Variants in REDIC1 observed in about 807,000 individuals in gnomAD.
REDIC1 encodes the protein HEI10 Interacting Protein 1.
chr12:39,713,271 TACAC>T, the REDIC1 span, among the ~76,000 whole-genome samples: 1 of 42,414 alleles, frequency 2.4e-5, no homozygotes, highest in Non-Finnish European at 5.4e-5. Context: ...TATATATGTG[TACAC>T]ACACATACGT....
the REDIC1 span, among the ~76,000 whole-genome samples, chr12:39,668,418 GTT>G: frequency 6.6e-6 from 1 of 152,182 alleles, no homozygotes; most frequent in Non-Finnish European, 1.5e-5. Flanking sequence ...GGCTTGTAGA[GTT>G]TCTGCCGAGA....
chr12:39,630,729 G>A, the REDIC1 span, among the ~76,000 whole-genome samples: 1 of 152,162 alleles, frequency 6.6e-6, no homozygotes, highest in African/African-American at 2.4e-5. Flanking sequence ...GTTCGATGGA[G>A]AAAAACAAAA....
chr12:39,696,273 G>A, the REDIC1 span, among the ~76,000 whole-genome samples: 2 of 150,578 alleles, frequency 1.3e-5, no homozygotes, highest in Non-Finnish European at 3.0e-5. Context: ...GCCGGGCGCG[G>A]TGGCTCACGC....
chr12:39,664,697 AT>A, the REDIC1 span, among the ~76,000 whole-genome samples: 2 of 152,106 alleles, frequency 1.3e-5, no homozygotes, highest in Non-Finnish European at 2.9e-5. Context: ...CACCAACAGT[AT>A]AAAAGTGTTC....
chr12:39,638,240 A>C, the REDIC1 span, among the ~76,000 whole-genome samples: 1 of 152,008 alleles, frequency 6.6e-6, no homozygotes, highest in Non-Finnish European at 1.5e-5. Flanking sequence ...ACCCAAGAAA[A>C]CAGGGACTGC....
chr12:39,720,678 T>C, the REDIC1 span: 1 of 886,382 alleles, frequency 1.1e-6, no homozygotes, highest in East Asian at 2.6e-5. Context: ...CTCTTCTGTA[T>C]TTAGAAATTT....
the REDIC1 span, among the ~76,000 whole-genome samples, chr12:39,895,974 A>ATG: frequency 7.5e-6 from 1 of 134,024 alleles, no homozygotes; most frequent in African/African-American, 2.9e-5. Flanking sequence ...ACATGTGTAT[A>ATG]TGTATACATA....
the REDIC1 span, among the ~76,000 whole-genome samples, chr12:39,879,529 GA>G: frequency 6.6e-6 from 1 of 152,208 alleles, no homozygotes; most frequent in East Asian, 1.9e-4. Context: ...AGATTATTTT[GA>G]AGCTTTAATA....
At chr12:39,709,284 A>T in the REDIC1 span, among the ~76,000 whole-genome samples, 1 of 149,902 alleles carries the variant, frequency 6.7e-6, no homozygotes, top group Non-Finnish European at 1.5e-5. Context: ...CTTTTGATGA[A>T]TCAGTAATTT....
At chr12:39,692,128 T>G in the REDIC1 span, 1 of 1,514,606 alleles carries the variant, frequency 6.6e-7, no homozygotes, top group African/African-American at 1.4e-5. Flanking sequence ...TATAACTGTA[T>G]AAGTTAATTT....
the REDIC1 span, among the ~76,000 whole-genome samples, chr12:39,634,381 A>G: frequency 1.3e-5 from 2 of 152,174 alleles, no homozygotes; most frequent in Non-Finnish European, 2.9e-5. Context: ...CTGACCTCAA[A>G]CTATACTACA....
At chr12:39,722,074 A>G in the REDIC1 span, among the ~76,000 whole-genome samples, 1 of 152,124 alleles carries the variant, frequency 6.6e-6, no homozygotes, top group Non-Finnish European at 1.5e-5. Flanking sequence ...GGTACACAGC[A>G]GAGGGCATTC....
the REDIC1 span, among the ~76,000 whole-genome samples, chr12:39,699,247 C>CA: frequency 6.6e-6 from 1 of 152,248 alleles, no homozygotes; most frequent in South Asian, 2.1e-4. Flanking sequence ...GTGTGCGCAC[C>CA]ATGCATGAGC....
chr12:39,799,157 A>G, the REDIC1 span, among the ~76,000 whole-genome samples: 1 of 145,018 alleles, frequency 6.9e-6, no homozygotes, highest in Non-Finnish European at 1.5e-5. Context: ...ATCTCAGCTC[A>G]CTGCAACCTC....
the REDIC1 span, among the ~76,000 whole-genome samples, chr12:39,745,482 G>T: frequency 3.9e-5 from 6 of 152,130 alleles, no homozygotes; most frequent in Non-Finnish European, 8.8e-5. Context: ...TAAAATAGGG[G>T]TAATAATAGT....
the REDIC1 span, among the ~76,000 whole-genome samples, chr12:39,693,742 A>G: frequency 6.6e-6 from 1 of 152,130 alleles, no homozygotes; most frequent in Non-Finnish European, 1.5e-5. Context: ...TCTTACAAAT[A>G]CTGTAAGTGA....
the REDIC1 span, among the ~76,000 whole-genome samples, chr12:39,713,760 CGT>C: frequency 1.4e-5 from 2 of 146,794 alleles, no homozygotes; most frequent in African/African-American, 5.0e-5. Flanking sequence ...CATGTATACA[CGT>C]ATATATATAT....
At chr12:39,822,448 C>T in the REDIC1 span, among the ~76,000 whole-genome samples, 1 of 152,132 alleles carries the variant, frequency 6.6e-6, no homozygotes, top group East Asian at 1.9e-4. Context: ...CTGATCTAAA[C>T]TCATATTTAC....
the REDIC1 span, among the ~76,000 whole-genome samples, chr12:39,705,368 A>C: frequency 1.3e-5 from 2 of 152,106 alleles, no homozygotes; most frequent in African/African-American, 4.8e-5. Flanking sequence ...TTCACTGCTG[A>C]ATTCTACAAA....
Sources: allele counts gnomAD v4.1 joint callset (sites outside exome capture counted in the v4.1 genomes callset), GRCh38; gene constraint gnomAD v4.1.1; transcripts MANE v1.5; gene names NCBI Gene and HGNC (gene_info 2026-07-23, HGNC 2026-07-21).